NT5DC4: variants seen among roughly 807,000 people sequenced by gnomAD.
NT5DC4 encodes 5'-nucleotidase domain containing 4, also known as 5'-nucleotidase domain-containing protein 4.
In NT5DC4, 44 loss-of-function variants were observed where a neutral mutation model predicts 26.6. The ratio of observed to expected loss-of-function variants is 1.65; its 90% confidence interval spans 1.30 to 2.13. NT5DC4 has a LOEUF of 2.13. Among genes scored for constraint, NT5DC4 ranks in the 30% most tolerant of loss-of-function variants. The pLI, the probability that NT5DC4 is intolerant of heterozygous loss-of-function variation, is 0.00. For synonymous variants in NT5DC4, 157 were observed against 86.7 expected (o/e 1.81, Z -4.51); for missense variants, 399 against 228.1 (o/e 1.75, Z -4.83).
intron 13 of NT5DC4, 49 bp downstream of exon 13, chr2:112,725,601 C>A: frequency 1.6e-6 from 1 of 642,814 alleles, no homozygotes; most frequent in South Asian, 1.7e-5. Flanking sequence ...GCCTCCCATG[C>A]AGAGGCCCCA....
intron 16 of NT5DC4, chr2:112,736,905 GAT>G (rs1389194229): frequency 6.6e-6 from 1 of 152,050 alleles, no homozygotes; most frequent in African/African-American, 2.4e-5. Context: ...TGTGAGTGCA[GAT>G]ATCTTTATGA....
At position 112,725,565 on chromosome 2, in the gene NT5DC4, G is replaced by C. The variant is rs1424492058; in HGVS notation, c.1153+13G>C. The C allele has an allele frequency of 1.4e-6, 1 of 693,546 alleles. No homozygotes were observed. Among genetic ancestry groups the C allele is most frequent in the Non-Finnish European group, 2.7e-6 (1 of 368,934 alleles). The allele number at this position is 693,546 out of a possible 1,614,324, so 43.0% of individuals were successfully genotyped here. A position where few individuals can be genotyped will look rare whatever the true frequency, so the allele number is the denominator to read the frequency against. On this transcript the variant is annotated intron_variant, in intron 13 of 16. Coordinates refer to ENST00000688554, the MANE Select transcript of NT5DC4 (RefSeq NM_001393655.1). The stretch of plus-strand genomic sequence containing the variant: ...GCCCAGGAGAAGGGTGAGCTGTTGG[G>C]GTCTGGAACAGTCAGAGGGGCACTG...
At position 112,732,555 on chromosome 2, in the gene NT5DC4, T is replaced by A. The variant is rs576011050; in HGVS notation, c.1344+2851T>A. Among the ~76,000 whole-genome samples, 5 of 152,320 alleles carry A rather than the reference T, an allele frequency of 3.3e-5. No homozygotes were observed. The East Asian group carries it at 9.6e-4, about 29-fold the overall frequency. ...TAGTCAAGAGCTAAAGGATAGTATT[T>A]ATCAGAAAAACTGCTCAGACCCTAG... is the stretch of plus-strand genomic sequence containing the variant. On this transcript the variant is annotated intron_variant, in intron 16 of 16. Coordinates refer to ENST00000688554, the MANE Select transcript of NT5DC4 (RefSeq NM_001393655.1).
At chr2:112,738,734 CCT>C (rs1489345443) in intron 16 of NT5DC4, 177 bp from the exon 17 acceptor site, 2 of 823,710 alleles carry the variant, frequency 2.4e-6, no homozygotes, top group Non-Finnish European at 4.0e-6. Flanking sequence ...ATCCATGATG[CCT>C]CTCTTTTTTT....
At chr2:112,733,282 T>G (rs927999904) in intron 16 of NT5DC4, among the ~76,000 whole-genome samples, 3 of 151,386 alleles carry the variant, frequency 2.0e-5, no homozygotes, top group Admixed American at 2.0e-4. Flanking sequence ...TAATGTCACC[T>G]CTACACTCCT....
downstream of NT5DC4, among the ~76,000 whole-genome samples, chr2:112,739,992 T>G (rs187796783): frequency 1.8e-4 from 27 of 152,284 alleles, no homozygotes; most frequent in African/African-American, 6.5e-4. Flanking sequence ...TTCACTCTTG[T>G]TGCCCAGGCT....
chr2:112,719,823 TTC>T (rs2104686239), upstream of NT5DC4, among the ~76,000 whole-genome samples: 1 of 115,150 alleles, frequency 8.7e-6, no homozygotes, highest in East Asian at 2.5e-4. Flanking sequence ...TTCCTTTCCT[TTC>T]CCTTCCTTCC....
chr2:112,726,054 C>T (rs953588010), intron 13 of NT5DC4, among the ~76,000 whole-genome samples, 184 bp from the exon 14 acceptor site: 6 of 152,136 alleles, frequency 3.9e-5, no homozygotes, highest in East Asian at 1.9e-4. Flanking sequence ...ATGGGGCCTA[C>T]GGGGCCTATG....
downstream of NT5DC4, chr2:112,742,717 C>T (rs1165176669): frequency 6.2e-7 from 1 of 1,600,698 alleles, no homozygotes; most frequent in African/African-American, 1.3e-5. Context: ...TTCTGTGGTT[C>T]TGTTTGAGTC....
chr2:112,722,893 G>A (rs1251635886), intron 6 of NT5DC4, 122 bp downstream of exon 6: 2 of 167,912 alleles, frequency 1.2e-5, no homozygotes, highest in Non-Finnish European at 2.5e-5. Flanking sequence ...GAAGCTCAGT[G>A]GGAAGGCCTC....
chr2:112,733,550 C>T (rs1678725062), intron 16 of NT5DC4, among the ~76,000 whole-genome samples: 1 of 152,212 alleles, frequency 6.6e-6, no homozygotes, highest in Non-Finnish European at 1.5e-5. Flanking sequence ...CCTCTCTTCC[C>T]CCTTCCAGCT....
At chr2:112,723,328 A>T (rs926383015) in intron 7 of NT5DC4, 90 bp from the exon 8 acceptor site, 15 of 685,868 alleles carry the variant, frequency 2.2e-5, no homozygotes, top group Middle Eastern at 2.4e-4. Flanking sequence ...CACTTTTCTC[A>T]TCTTGGACAC....
At chr2:112,719,129 A>C (rs1176182546), upstream of NT5DC4, among the ~76,000 whole-genome samples, 4 of 152,148 alleles carry the variant, frequency 2.6e-5, no homozygotes, top group Non-Finnish European at 4.4e-5. Flanking sequence ...AGCCTACTAC[A>C]CACCTCGGCT....
At chr2:112,738,814 A>T in intron 16 of NT5DC4, 99 bp from the exon 17 acceptor site, 1 of 1,558,030 alleles carries the variant, frequency 6.4e-7, no homozygotes, top group Non-Finnish European at 8.9e-7. Flanking sequence ...TAAAAAAAGC[A>T]TCAAGAAATT....
chr2:112,723,204 C>T (rs1677172067), intron 7 of NT5DC4, 30 bp downstream of exon 7: 2 of 717,210 alleles, frequency 2.8e-6, no homozygotes, highest in African/African-American at 1.7e-5. Context: ...CCCCCGGACC[C>T]CTGACCTGTC....
rs1394015077 is a variant in NT5DC4, at chr2:112,722,473, C to T, written c.363-10C>T. The T allele has an allele frequency of 4.2e-6, 3 of 717,176 alleles. No individual in the cohort carries two copies. The Admixed American group carries it at 6.0e-5, about 14-fold the overall frequency. The allele number at this position is 717,176 out of a possible 1,614,324, so 44.4% of individuals were successfully genotyped here. On this transcript the variant is annotated splice_polypyrimidine_tract_variant and intron_variant, in intron 4 of 16. Transcript: ENST00000688554. The stretch of plus-strand genomic sequence containing the variant: ...GGAGGCACTGGGGAGGGGTCATTGG[C>T]TGCACCCAGCCTACCCCTCCTCAGG...
At chr2:112,733,610 G>A (rs1574282862) in intron 16 of NT5DC4, among the ~76,000 whole-genome samples, 2 of 152,328 alleles carry the variant, frequency 1.3e-5, no homozygotes, top group East Asian at 1.9e-4. Context: ...CATGGACGAG[G>A]CTGCCTCCAA....
chr2:112,738,638 A>G (rs1317620149), intron 16 of NT5DC4: 3 of 598,672 alleles, frequency 5.0e-6, no homozygotes, highest in Non-Finnish European at 8.9e-6. Flanking sequence ...GGTCTTAAAC[A>G]CATAAAGCAA....
intron 16 of NT5DC4, among the ~76,000 whole-genome samples, chr2:112,732,270 G>C (rs1342685092): frequency 1.3e-5 from 2 of 152,092 alleles, no homozygotes; most frequent in Non-Finnish European, 2.9e-5. Flanking sequence ...ACACTGCCAA[G>C]GCCTTTTCTT....
Sources: gnomAD v4.1 joint callset for allele counts (sites outside exome capture counted in the v4.1 genomes callset) on GRCh38, gnomAD v4.1.1 for gene constraint, MANE v1.5 for transcripts, NCBI Gene and HGNC (gene_info 2026-07-23, HGNC 2026-07-21) for gene names.